Variants in RAD51B observed in about 807,000 individuals in gnomAD.
RAD51B encodes the protein DNA repair protein RAD51 homolog 2.
In RAD51B, 38 loss-of-function variants were observed where a neutral mutation model predicts 42.2. The observed-to-expected ratio is 0.90, with a 90% CI of 0.70 to 1.18. The LOEUF (loss-of-function observed/expected upper bound fraction) is 1.18, where lower values mean the gene tolerates loss of function less well. Among genes scored for constraint, RAD51B ranks in the 50% most tolerant of loss-of-function variants. The probability of loss-of-function intolerance (pLI) is 0.00; values close to 1 mark genes in which losing one functional copy is unlikely to be tolerated. For synonymous variants in RAD51B, 154 were observed against 145.2 expected, an observed-to-expected ratio of 1.06 and a Z score of -0.43; for missense variants, 373 against 400.7, an observed-to-expected ratio of 0.93 and a Z score of 0.59.
intron 7 of RAD51B, among the ~76,000 whole-genome samples, chr14:68,062,828 A>G (rs553299602): frequency 2.7e-5 from 4 of 149,546 alleles, no homozygotes; most frequent in African/African-American, 1.0e-4. Flanking sequence ...AAAAAAAAAA[A>G]AAAGAAAAAA....
chr14:67,882,642 G>A (rs976688778), intron 5 of RAD51B, among the ~76,000 whole-genome samples: 2 of 152,174 alleles, frequency 1.3e-5, no homozygotes, highest in East Asian at 3.9e-4. Context: ...AATAAAACAT[G>A]CAAATAACAC....
chr14:68,137,717 G>A (rs2087361926), intron 7 of RAD51B, among the ~76,000 whole-genome samples: 1 of 152,222 alleles, frequency 6.6e-6, no homozygotes, highest in Non-Finnish European at 1.5e-5. Flanking sequence ...TCATGCAATT[G>A]CTGAGGGTTT....
intron 7 of RAD51B, among the ~76,000 whole-genome samples, chr14:68,188,016 T>G (rs983717378): frequency 2.6e-5 from 4 of 152,126 alleles, no homozygotes; most frequent in African/African-American, 7.2e-5. Context: ...GGTTTCACCA[T>G]GTTAACCAAG....
intron 7 of RAD51B, among the ~76,000 whole-genome samples, chr14:67,992,183 G>A (rs959691116): frequency 6.6e-6 from 1 of 152,096 alleles, no homozygotes; most frequent in Non-Finnish European, 1.5e-5. Context: ...AGAAGAAAAT[G>A]GCTAAAGTTT....
At chr14:68,369,747 T>C (rs571169693) in intron 8 of RAD51B, among the ~76,000 whole-genome samples, 1 of 152,334 alleles carries the variant, frequency 6.6e-6, no homozygotes, top group Non-Finnish European at 1.5e-5. Flanking sequence ...ACTAGCTCAG[T>C]ACAGGTTGCT....
intron 7 of RAD51B, among the ~76,000 whole-genome samples, chr14:68,067,523 A>G (rs930721750): frequency 1.9e-4 from 29 of 152,104 alleles, no homozygotes; most frequent in Non-Finnish European, 2.9e-4. Context: ...TCATGTTTTA[A>G]TTAAAGGAAA....
At chr14:68,671,948 A>G (rs140635243) in intron 11 of RAD51B, among the ~76,000 whole-genome samples, 1 of 152,310 alleles carries the variant, frequency 6.6e-6, no homozygotes, top group African/African-American at 2.4e-5. Context: ...TTTCCTTTCC[A>G]GACAGTCCCT....
At chr14:68,589,057 C>G (rs1447396965) in intron 10 of RAD51B, among the ~76,000 whole-genome samples, 1 of 152,160 alleles carries the variant, frequency 6.6e-6, no homozygotes, top group African/African-American at 2.4e-5. Context: ...GCCTCAGTTT[C>G]CTCCTAGGAT....
In RAD51B at chr14:68,473,476, G is replaced by C. The variant is rs559178667; in HGVS notation, c.1037-4172G>C. Among the ~76,000 whole-genome samples the C allele has an allele frequency of 6.6e-5, 10 of 152,272 alleles. No individual in the cohort carries two copies. The South Asian group carries it at 2.1e-3, about 32-fold the overall frequency. On this transcript the variant is annotated intron_variant, in intron 10 of 10. Transcript: ENST00000471583. ...TATCTGTTCAGTTCTCTTCTCCCCT[G>C]TGCACATTCACTTTACATCCCCTCC...
In RAD51B at chr14:68,629,013, C is replaced by G. The variant is rs112182109; in HGVS notation, c.1037-21768C>G. On this transcript the variant is annotated intron_variant, in intron 10 of 11. Coordinates refer to the RAD51B transcript ENST00000488612. ...GGTTGGAAGGGGGCAGTCCTTTCTTCCCGCAAGTTCGGGGCTCGAGAGACG... is the reference window on the plus strand; with the variant it reads ...GGTTGGAAGGGGGCAGTCCTTTCTTGCCGCAAGTTCGGGGCTCGAGAGACG... Among the ~76,000 whole-genome samples the G allele has an allele frequency of 8.6e-3, 1,306 of 152,334 alleles. 7 individuals are homozygous for G. Among genetic ancestry groups the G allele is most frequent in the Non-Finnish European group, 0.015 (1,014 of 68,010 alleles).
intron 10 of RAD51B, chr14:68,628,378 G>C (rs887909170): frequency 6.6e-6 from 1 of 152,266 alleles, no homozygotes; most frequent in South Asian, 2.1e-4. Flanking sequence ...CACAGAACCC[G>C]AGCGCACAGG....
At chr14:67,985,132 G>A (rs2075161521) in intron 7 of RAD51B, among the ~76,000 whole-genome samples, 1 of 152,198 alleles carries the variant, frequency 6.6e-6, no homozygotes, top group Non-Finnish European at 1.5e-5. Context: ...ATACAGAAGA[G>A]TTGCCAGTGT....
chr14:68,363,351 G>A (rs1157591352), intron 8 of RAD51B, among the ~76,000 whole-genome samples: 1 of 152,178 alleles, frequency 6.6e-6, no homozygotes. Context: ...ATAAAGTGAT[G>A]CATACCCATT....
chr14:68,562,195 T>A, intron 10 of RAD51B: 1 of 985,424 alleles, frequency 1.0e-6, no homozygotes, highest in Non-Finnish European at 1.2e-6. Flanking sequence ...TCTCTCCAAG[T>A]GACCCTGCCT....
intron 10 of RAD51B, chr14:68,469,091 G>C (rs746055441): frequency 1.9e-6 from 1 of 513,978 alleles, no homozygotes; most frequent in Admixed American, 1.9e-5. Flanking sequence ...CCTCTGCTGT[G>C]GGGCAGGAGA....
intron 8 of RAD51B, among the ~76,000 whole-genome samples, chr14:68,316,457 G>GC (rs5809375): frequency 0.68 from 103,410 of 152,054 alleles, 35,388 homozygotes; most frequent in Non-Finnish European, 0.73. Flanking sequence ...CCCATGGCAG[G>GC]CCAGGGAGAG....
intron 10 of RAD51B, among the ~76,000 whole-genome samples, chr14:68,544,586 C>T (rs1307858926): frequency 6.6e-6 from 1 of 152,108 alleles, no homozygotes; most frequent in Non-Finnish European, 1.5e-5. Context: ...TCTGAAATGG[C>T]CCCTAAAGAG....
intron 7 of RAD51B, among the ~76,000 whole-genome samples, chr14:67,972,327 T>C (rs982840237): frequency 3.4e-4 from 51 of 152,078 alleles, no homozygotes; most frequent in African/African-American, 1.1e-3. Context: ...GATTGGCAGC[T>C]CTACTATCTG....
chr14:68,295,487 C>A (rs1285165325), intron 8 of RAD51B, among the ~76,000 whole-genome samples: 1 of 152,192 alleles, frequency 6.6e-6, no homozygotes, highest in Non-Finnish European at 1.5e-5. Context: ...CCCCCATAGA[C>A]GTCCCTGCAG....
Sources: allele counts gnomAD v4.1 joint callset (sites outside exome capture counted in the v4.1 genomes callset), GRCh38; gene constraint gnomAD v4.1.1; transcripts MANE v1.5; gene names NCBI Gene and HGNC (gene_info 2026-07-23, HGNC 2026-07-21).